Variants in PTPRN2 observed in about 807,000 individuals in gnomAD.
The protein encoded by PTPRN2 is protein tyrosine phosphatase receptor type N2, also known as receptor-type tyrosine-protein phosphatase N2.
In PTPRN2, 74 loss-of-function variants were observed where a neutral mutation model predicts 118.8. That is an observed-to-expected ratio of 0.62 (90% CI 0.52 to 0.76). The LOEUF is 0.76. Among genes scored for constraint, PTPRN2 ranks in the 30% least tolerant of loss-of-function variants. PTPRN2 has a pLI of 0.00. For missense variants in PTPRN2, 1,481 were observed against 1,394.4 expected (o/e 1.06, Z -0.99); for synonymous variants, 641 against 608.0 (o/e 1.05, Z -0.80).
intron 4 of PTPRN2, among the ~76,000 whole-genome samples, chr7:158,193,892 C>A (rs1224077085): frequency 7.2e-6 from 1 of 139,750 alleles, no homozygotes; most frequent in African/African-American, 2.7e-5. Context: ...CACATTCCAG[C>A]AAGGCTCTGT....
chr7:158,083,187 C>T (rs1173589682), intron 10 of PTPRN2, among the ~76,000 whole-genome samples: 1 of 152,178 alleles, frequency 6.6e-6, no homozygotes, highest in Admixed American at 6.5e-5. Context: ...TTCCTTCTTC[C>T]CGAGCACAGG....
intron 3 of PTPRN2, among the ~76,000 whole-genome samples, chr7:158,312,233 C>A (rs1801849230): frequency 8.2e-6 from 1 of 121,846 alleles, no homozygotes; most frequent in South Asian, 2.3e-4. Context: ...GACACCCACA[C>A]ACATGCACAC....
Position 157,953,104 on chromosome 7 carries a change from C to T in PTPRN2, c.1724-54367G>A, listed in dbSNP as rs925249938. On this transcript the variant is annotated intron_variant, in intron 11 of 22. Transcript: ENST00000389418. This position sits in a 1 kb window ranked among gnomAD's most constrained non-coding sequence, Gnocchi z 4.6. ...CCAGTGCCAGGAACCACCGGACCCACGGGGTGAGCCCTCTGGCTCGAGAAG... is the reference window on the plus strand; with the variant it reads ...CCAGTGCCAGGAACCACCGGACCCATGGGGTGAGCCCTCTGGCTCGAGAAG... Among the ~76,000 whole-genome samples, 8 of 152,172 alleles carry T rather than the reference C, an allele frequency of 5.3e-5. No individual in the cohort carries two copies. The highest frequency in any genetic ancestry group is 8.8e-5 in the Non-Finnish European group (6 of 68,030).
intron 16 of PTPRN2, among the ~76,000 whole-genome samples, chr7:157,595,797 G>A (rs956531879): frequency 6.6e-6 from 1 of 152,218 alleles, no homozygotes; most frequent in African/African-American, 2.4e-5. Context: ...CGAGCACCCG[G>A]CACAGGTAGG....
chr7:158,205,101 C>A lies in PTPRN2; in HGVS notation c.380+70G>T. The A allele has an allele frequency of 2.3e-6, 3 of 1,280,380 alleles. No homozygotes were observed. The South Asian group carries it at 3.7e-5, about 16-fold the overall frequency. 79.3% of individuals were successfully genotyped at this position (1,280,380 alleles called of 1,614,324 possible). The stretch of plus-strand genomic sequence containing the variant: ...TGCTACATTAAAACAAACAAACAAA[C>A]AAATAATAAGTGTAATGGCTATGGA... On this transcript the variant is annotated intron_variant, in intron 4 of 22. Coordinates refer to ENST00000389418, the MANE Select transcript of PTPRN2 (RefSeq NM_002847.5).
At chr7:158,108,450 C>A (rs1463210657) in intron 10 of PTPRN2, among the ~76,000 whole-genome samples, 1 of 152,168 alleles carries the variant, frequency 6.6e-6, no homozygotes, top group Non-Finnish European at 1.5e-5. Context: ...CCCTGCTGAG[C>A]AGTCCTACCT....
intron 12 of PTPRN2, among the ~76,000 whole-genome samples, chr7:157,850,003 T>A (rs138221349): frequency 2.6e-5 from 4 of 152,336 alleles, no homozygotes; most frequent in African/African-American, 7.2e-5. Flanking sequence ...GATTGGAGCA[T>A]CTTACACGTT....
At chr7:157,683,933 C>G (rs1343038670) in intron 12 of PTPRN2, among the ~76,000 whole-genome samples, 1 of 152,172 alleles carries the variant, frequency 6.6e-6, no homozygotes, top group Non-Finnish European at 1.5e-5. Flanking sequence ...AAACCCCTTT[C>G]CACCACCTAA....
intron 9 of PTPRN2, among the ~76,000 whole-genome samples, chr7:158,125,210 G>A (rs1472684354): frequency 2.3e-5 from 3 of 130,204 alleles, no homozygotes; most frequent in Non-Finnish European, 4.9e-5. Context: ...CTCCCTGCCT[G>A]AAGTCCCTCC....
chr7:158,225,155 G>T (rs1828657886), intron 3 of PTPRN2, among the ~76,000 whole-genome samples: 1 of 151,742 alleles, frequency 6.6e-6, no homozygotes, highest in South Asian at 2.1e-4. Context: ...TTTTGTTCTG[G>T]AAAATGGTTT....
chr7:158,067,779 G>A (rs1056678898), intron 11 of PTPRN2, among the ~76,000 whole-genome samples: 9 of 152,174 alleles, frequency 5.9e-5, no homozygotes, highest in South Asian at 4.2e-4. Context: ...GGGTCAGGCC[G>A]GGCCGCGGGC....
chr7:158,258,203 A>G (rs1442346569), intron 3 of PTPRN2, among the ~76,000 whole-genome samples: 1 of 152,126 alleles, frequency 6.6e-6, no homozygotes, highest in Non-Finnish European at 1.5e-5. Flanking sequence ...CGACGTCCAC[A>G]CACCACATTT....
At chr7:158,326,654 T>TCA (rs150080029) in intron 2 of PTPRN2, among the ~76,000 whole-genome samples, 133,673 of 144,772 alleles carry the variant, frequency 0.92, 61,829 homozygotes, top group Non-Finnish European at 0.96. Context: ...TCACACATGC[T>TCA]CACACTCTCA....
At chr7:157,648,524 G>A (rs1805307917) in intron 14 of PTPRN2, among the ~76,000 whole-genome samples, 1 of 135,222 alleles carries the variant, frequency 7.4e-6, no homozygotes, top group African/African-American at 2.7e-5. Flanking sequence ...CACTGAACTC[G>A]GTGGGTCAGA....
At chr7:157,749,112 GTTGA>G (rs1801256259) in intron 12 of PTPRN2, among the ~76,000 whole-genome samples, 2 of 45,782 alleles carry the variant, frequency 4.4e-5, no homozygotes, top group Admixed American at 1.7e-4. Flanking sequence ...GCTGTGGGCT[GTTGA>G]GGTGATTCTG....
intron 6 of PTPRN2, among the ~76,000 whole-genome samples, chr7:158,144,480 A>C (rs1170849640): frequency 6.6e-6 from 1 of 152,202 alleles, no homozygotes; most frequent in Non-Finnish European, 1.5e-5. Context: ...TCTACTAAAA[A>C]TACCAAAAAT....
intron 10 of PTPRN2, among the ~76,000 whole-genome samples, chr7:158,107,281 G>A (rs1815763907): frequency 6.6e-6 from 1 of 152,000 alleles, no homozygotes; most frequent in Non-Finnish European, 1.5e-5. Flanking sequence ...AGTCATCCAG[G>A]TACCTGAAAC....
In PTPRN2 at chr7:157,813,184, A is replaced by T. The variant is rs182091618; in HGVS notation, c.1788+85489T>A. On this transcript the variant is annotated intron_variant, in intron 12 of 22. Transcript: ENST00000389418. This position sits in a 1 kb window ranked among gnomAD's most constrained non-coding sequence, Gnocchi z 4.7. ...GACAAGCATCTCCAGAGCGCGTGGG[A>T]CCGTAGAGAAGGCAGTGACAGGGCC... is the stretch of plus-strand genomic sequence containing the variant. Among the ~76,000 whole-genome samples the T allele has an allele frequency of 1.3e-5, 2 of 152,270 alleles. No individual in the cohort carries two copies. Among genetic ancestry groups the T allele is most frequent in the African/African-American group, 4.8e-5 (2 of 41,516 alleles).
intron 12 of PTPRN2, among the ~76,000 whole-genome samples, chr7:157,819,558 G>A (rs896356494): frequency 5.1e-5 from 1 of 19,530 alleles, no homozygotes; most frequent in South Asian, 1.6e-3. Flanking sequence ...AGCCCTCCCC[G>A]CCCCAAGCAC....
Sources: gnomAD v4.1 joint callset for allele counts (sites outside exome capture counted in the v4.1 genomes callset) on GRCh38, gnomAD v4.1.1 for gene constraint, Gnocchi (gnomAD v3.1) non-coding constraint, MANE v1.5 for transcripts, NCBI Gene and HGNC (gene_info 2026-07-23, HGNC 2026-07-21) for gene names.